Variants in ZBTB38 observed in about 807,000 individuals in gnomAD.
The protein encoded by ZBTB38 is zinc finger and BTB domain containing 38, also known as zinc finger and BTB domain-containing protein 38.
In ZBTB38, 20 loss-of-function variants were observed where a neutral mutation model predicts 76.8. The observed-to-expected ratio is 0.26, with a 90% CI of 0.18 to 0.38. The LOEUF (loss-of-function observed/expected upper bound fraction) is 0.38. Among genes scored for constraint, ZBTB38 ranks in the 10% least tolerant of loss-of-function variants. The pLI, the probability that ZBTB38 is intolerant of heterozygous loss-of-function variation, is 1.00. For missense variants in ZBTB38, 1,082 were observed against 1,482.3 expected, an observed-to-expected ratio of 0.73 and a Z score of 4.43; for synonymous variants, 504 against 544.2, an observed-to-expected ratio of 0.93 and a Z score of 1.03.
chr3:141,424,649 C>CGTGCGT (rs1553770246), intron 5 of ZBTB38, among the ~76,000 whole-genome samples: 1 of 149,806 alleles, frequency 6.7e-6, no homozygotes, highest in Non-Finnish European at 1.5e-5. Context: ...TGTGTGTGTG[C>CGTGCGT]GTGTGTGTGT....
At chr3:141,383,689 G>A (rs1946521164) in intron 3 of ZBTB38, 1 of 152,198 alleles carries the variant, frequency 6.6e-6, no homozygotes, top group African/African-American at 2.4e-5. Context: ...TCAGCCTGCA[G>A]AACAACGAGA....
intron 5 of ZBTB38, among the ~76,000 whole-genome samples, 198 bp downstream of exon 5, chr3:141,404,229 G>T (rs1316588452): frequency 6.6e-6 from 1 of 152,198 alleles, no homozygotes; most frequent in Non-Finnish European, 1.5e-5. Context: ...GGAGATCAAG[G>T]CTTTAGGACA....
rs183090152 is a variant in ZBTB38, at chr3:141,448,802, T to G, written c.*2826T>G. On this transcript the variant is annotated 3_prime_UTR_variant, in exon 6 of 6. Transcript: ENST00000321464. ...TTCCACGTATTATTCAGTTTATTTC[T>G]GTTTCCTTACTTGTTTACATTCCGT... 1 of 152,252 alleles carries G rather than the reference T, an allele frequency of 6.6e-6. No homozygotes were observed. The highest frequency in any genetic ancestry group is 1.5e-5 in the Non-Finnish European group (1 of 68,044). 9.4% of individuals were successfully genotyped at this position (152,252 alleles called of 1,614,324 possible).
At chr3:141,335,306 G>A (rs1475687420) in intron 1 of ZBTB38, among the ~76,000 whole-genome samples, 3 of 152,150 alleles carry the variant, frequency 2.0e-5, no homozygotes, top group Non-Finnish European at 4.4e-5. Flanking sequence ...CAAAGTAATG[G>A]CCATACAAGT....
chr3:141,444,739 C>T lies in ZBTB38; in HGVS notation c.2351C>T (p.Thr784Ile). 6.2e-7 allele frequency: 1 copy of T among 1,614,094 alleles called. No homozygotes were observed. The highest frequency in any genetic ancestry group is 1.1e-5 in the South Asian group (1 of 91,074). Residue 784 changes from threonine to isoleucine, a missense_variant, in exon 6 of 6, where the codon ACC (threonine) becomes ATC (isoleucine). Transcript: ENST00000321464. This position sits in a 1 kb window ranked among gnomAD's most constrained non-coding sequence, Gnocchi z 5.1. ...GAGAAAAAGAAAACTACATCACATA[C>T]CAGGGGAGAAATACCGGAGGAGTCA... ...IKEKKKTTSHTRGEIPEESNY... is the reference protein window; with the variant it reads ...IKEKKKTTSHIRGEIPEESNY...
chr3:141,365,433 C>T (rs184858697), upstream of ZBTB38, among the ~76,000 whole-genome samples: 2 of 152,190 alleles, frequency 1.3e-5, no homozygotes, highest in East Asian at 3.9e-4. Flanking sequence ...GGCAAGGTGG[C>T]TGAGAGTGCT....
intron 2 of ZBTB38, among the ~76,000 whole-genome samples, chr3:141,379,316 G>T (rs1056692945): frequency 6.6e-6 from 1 of 152,080 alleles, no homozygotes; most frequent in African/African-American, 2.4e-5. Flanking sequence ...AATGAAACTC[G>T]AGCTGTATTT....
chr3:141,440,656 TTTTG>T (rs765080550), intron 5 of ZBTB38, among the ~76,000 whole-genome samples: 45 of 152,144 alleles, frequency 3.0e-4, no homozygotes, highest in Non-Finnish European at 5.6e-4. Flanking sequence ...TGTGTGTGTG[TTTTG>T]TTTGTTTGTT....
At chr3:141,341,898 G>C (rs1245876076) in intron 1 of ZBTB38, among the ~76,000 whole-genome samples, 1 of 152,012 alleles carries the variant, frequency 6.6e-6, no homozygotes, top group Non-Finnish European at 1.5e-5. Flanking sequence ...TTCTTGGTTT[G>C]ATATGATACT....
chr3:141,326,584 A>G (rs1211354719), intron 1 of ZBTB38, among the ~76,000 whole-genome samples: 1 of 152,198 alleles, frequency 6.6e-6, no homozygotes, highest in Non-Finnish European at 1.5e-5. Context: ...TTAGAGTTTC[A>G]GTATCTTTAA....
Position 141,441,379 on chromosome 3 carries a change from C to T in ZBTB38, c.1-1010C>T, listed in dbSNP as rs2080175473. Among the ~76,000 whole-genome samples the T allele has an allele frequency of 2.6e-5, 4 of 152,196 alleles. 1 individual carries two copies. Among genetic ancestry groups the T allele is most frequent in the South Asian group, 2.1e-4 (1 of 4,828 alleles). On this transcript the variant is annotated intron_variant, in intron 5 of 5. Coordinates refer to ENST00000321464, the MANE Select transcript of ZBTB38 (RefSeq NM_001376113.1). ...ATCTATGACTAGATTCATTCTTGTC[C>T]GTTCTTGTCAAAGGACTTAGAAATG...
chr3:141,399,611 A>C (rs1951249109), intron 4 of ZBTB38, among the ~76,000 whole-genome samples: 1 of 152,156 alleles, frequency 6.6e-6, no homozygotes, highest in African/African-American at 2.4e-5. Context: ...AAGAGGAAAA[A>C]AAGTAAAACC....
chr3:141,429,300 C>T (rs1219456354), intron 5 of ZBTB38, among the ~76,000 whole-genome samples: 27 of 130,712 alleles, frequency 2.1e-4, no homozygotes, highest in Non-Finnish European at 4.8e-5. Flanking sequence ...ATTGTGAGTG[C>T]GGGGGACGGC....
intron 5 of ZBTB38, among the ~76,000 whole-genome samples, chr3:141,423,153 G>T (rs2150229511): frequency 6.6e-6 from 1 of 152,276 alleles, no homozygotes; most frequent in Admixed American, 6.5e-5. Context: ...AGCTCTTAAA[G>T]CCTGAATCTC....
At chr3:141,329,475 A>G (rs1269919167) in intron 1 of ZBTB38, among the ~76,000 whole-genome samples, 3 of 152,220 alleles carry the variant, frequency 2.0e-5, no homozygotes, top group Admixed American at 6.5e-5. Flanking sequence ...CTCTGGAAAG[A>G]ATAATACTGC....
chr3:141,388,376 T>G (rs533291300), intron 4 of ZBTB38: 5 of 152,144 alleles, frequency 3.3e-5, no homozygotes, highest in Non-Finnish European at 5.9e-5. Flanking sequence ...CAAGAATACA[T>G]TATATTATGT....
intron 1 of ZBTB38, among the ~76,000 whole-genome samples, chr3:141,362,485 A>G (rs940165604): frequency 1.3e-5 from 2 of 152,170 alleles, no homozygotes; most frequent in African/African-American, 4.8e-5. Context: ...TCCAACATTT[A>G]TTGAGCCATT....
At chr3:141,403,728 G>A (rs1224404101) in intron 4 of ZBTB38, among the ~76,000 whole-genome samples, 199 bp from the exon 5 acceptor site, 1 of 152,162 alleles carries the variant, frequency 6.6e-6, no homozygotes, top group Non-Finnish European at 1.5e-5. Context: ...TAGAGTCTCC[G>A]TTTCTATAGC....
intron 1 of ZBTB38, among the ~76,000 whole-genome samples, chr3:141,359,519 CAA>C (rs1943760527): frequency 6.6e-6 from 1 of 152,112 alleles, no homozygotes; most frequent in African/African-American, 2.4e-5. Flanking sequence ...GTGTTTGCCA[CAA>C]GAGACAAAGA....
Sources: gnomAD v4.1 joint callset for allele counts (sites outside exome capture counted in the v4.1 genomes callset) on GRCh38, gnomAD v4.1.1 for gene constraint, Gnocchi (gnomAD v3.1) non-coding constraint, MANE v1.5 for transcripts, NCBI Gene and HGNC (gene_info 2026-07-23, HGNC 2026-07-21) for gene names.